FBXO27: variants seen among roughly 807,000 people sequenced by gnomAD.
FBXO27 encodes F-box only protein 27.
Under a neutral mutation model 28.3 loss-of-function variants are expected in FBXO27, and 28 were observed. The ratio of observed to expected loss-of-function variants is 0.99; its 90% CI spans 0.73 to 1.36. The LOEUF (loss-of-function observed/expected upper bound fraction) is 1.36, where lower values mean the gene tolerates loss of function less well. Among genes scored for constraint, FBXO27 ranks in the 40% most tolerant of loss-of-function variants. FBXO27 has a pLI of 0.00. For missense variants in FBXO27, 388 were observed against 394.1 expected (o/e 0.98, Z 0.13); for synonymous variants, 175 against 167.3 (o/e 1.05, Z -0.36).
intron 2 of FBXO27, among the ~76,000 whole-genome samples, chr19:39,011,766 G>A (rs186436405): frequency 1.3e-5 from 2 of 149,322 alleles, no homozygotes; most frequent in South Asian, 2.1e-4. Flanking sequence ...CTCCCACCTC[G>A]CCTCCCAAAG....
chr19:39,025,661 C>T, intron 5 of FBXO27, 107 bp from the exon 6 acceptor site: 1 of 1,363,678 alleles, frequency 7.3e-7, no homozygotes, highest in Non-Finnish European at 9.8e-7. Flanking sequence ...GCTATAAAAT[C>T]TCCAATTGGG....
downstream of FBXO27, among the ~76,000 whole-genome samples, chr19:39,020,002 C>T (rs2072837955): frequency 6.6e-6 from 1 of 152,142 alleles, no homozygotes; most frequent in Non-Finnish European, 1.5e-5. Flanking sequence ...ATTCTCCCCA[C>T]TTGGCCTCCC....
intron 2 of FBXO27, among the ~76,000 whole-genome samples, chr19:39,008,403 C>G (rs1213034876): frequency 6.6e-6 from 1 of 152,126 alleles, no homozygotes; most frequent in Non-Finnish European, 1.5e-5. Context: ...CAAGCATGTG[C>G]TAATGTAACC....
intron 2 of FBXO27, among the ~76,000 whole-genome samples, chr19:39,008,968 C>T (rs536785205): frequency 4.0e-4 from 61 of 152,196 alleles, no homozygotes; most frequent in African/African-American, 1.4e-3. Flanking sequence ...TTACAGGCAC[C>T]CGCCACCATG....
chr19:39,023,630 T>C (rs934885641), downstream of FBXO27, among the ~76,000 whole-genome samples: 2 of 151,930 alleles, frequency 1.3e-5, no homozygotes, highest in Non-Finnish European at 2.9e-5. Context: ...TTTTTTTAAT[T>C]TGAGACGGAG....
intron 2 of FBXO27, among the ~76,000 whole-genome samples, chr19:39,009,498 G>A (rs2072784538): frequency 6.6e-6 from 1 of 152,112 alleles, no homozygotes; most frequent in African/African-American, 2.4e-5. Context: ...TACTGGGTAG[G>A]AAGTGGTATT....
At chr19:39,022,612 A>G (rs12151263), downstream of FBXO27, among the ~76,000 whole-genome samples, 12,966 of 150,954 alleles carry the variant, frequency 0.086, 693 homozygotes, top group Non-Finnish European at 0.12. Flanking sequence ...ATGCCTGGCT[A>G]ATTTTTTTGT....
At chr19:39,008,829 C>T (rs560422307) in intron 2 of FBXO27, among the ~76,000 whole-genome samples, 37 of 152,010 alleles carry the variant, frequency 2.4e-4, no homozygotes, top group Middle Eastern at 6.8e-3. Flanking sequence ...CTTTTTTGTA[C>T]GTTTGTTTTG....
At chr19:39,021,095 A>AC (rs1390445065), downstream of FBXO27, among the ~76,000 whole-genome samples, 1 of 151,812 alleles carries the variant, frequency 6.6e-6, no homozygotes, top group African/African-American at 2.4e-5. Context: ...CAGGTGATCC[A>AC]CCCCCATCCC....
intron 2 of FBXO27, among the ~76,000 whole-genome samples, chr19:39,007,075 A>AAC (rs1238464849): frequency 1.3e-5 from 2 of 149,140 alleles, no homozygotes; most frequent in African/African-American, 5.0e-5. Context: ...AAAAAAAAAA[A>AAC]AAATACAGAA....
At position 39,031,053 on chromosome 19, in the gene FBXO27, C is replaced by A; in HGVS notation, c.548G>T (p.Arg183Met). Residue 183 changes from arginine (R) to methionine (M), a missense_variant, in exon 4 of 6, where the codon AGG (arginine) becomes ATG (methionine). Transcript: ENST00000292853. Reference protein sequence around the residue: ...GLWPELLDSGRIEICVSDWWG... With the variant: ...GLWPELLDSGMIEICVSDWWG... ...CCAGTCAGAGACACAAATCTCAATC[C>A]TGCCACTATCCAGCAGTTCTGGCCA... 6.2e-7 allele frequency: 1 copy of A among 1,614,126 alleles called. No homozygotes were observed. The highest frequency in any genetic ancestry group is 8.5e-7 in the Non-Finnish European group (1 of 1,180,012).
At chr19:39,028,427 A>G (rs758580730) in intron 4 of FBXO27, among the ~76,000 whole-genome samples, 7 of 151,936 alleles carry the variant, frequency 4.6e-5, no homozygotes, top group Non-Finnish European at 8.8e-5. Flanking sequence ...ACATAGTTTG[A>G]TAAGTAATAA....
chr19:39,029,101 TG>T (rs2144902837), intron 4 of FBXO27, among the ~76,000 whole-genome samples: 1 of 148,566 alleles, frequency 6.7e-6, no homozygotes, highest in East Asian at 2.0e-4. Flanking sequence ...GAGATGGAGT[TG>T]GGGAATAGGG....
downstream of FBXO27, among the ~76,000 whole-genome samples, chr19:39,020,635 A>C (rs473729): frequency 6.6e-6 from 1 of 151,780 alleles, no homozygotes; most frequent in Non-Finnish European, 1.5e-5. Flanking sequence ...GGCTACAAAT[A>C]CCATTGAGCC....
chr19:39,011,695 GGGGA>G (rs200554400), intron 2 of FBXO27, among the ~76,000 whole-genome samples: 87,368 of 130,128 alleles, frequency 0.67, 26,705 homozygotes, highest in East Asian at 0.8. Flanking sequence ...GATGGCGGCG[GGGGA>G]GGGGGGGTCT....
chr19:39,014,790 C>T (rs1401813871), intron 1 of FBXO27, among the ~76,000 whole-genome samples: 1 of 151,658 alleles, frequency 6.6e-6, no homozygotes, highest in African/African-American at 2.4e-5. Context: ...AGAAGACAAC[C>T]ACAGACCGGG....
intron 2 of FBXO27, among the ~76,000 whole-genome samples, chr19:39,009,398 C>A (rs777453838): frequency 1.3e-5 from 2 of 152,194 alleles, no homozygotes; most frequent in Non-Finnish European, 2.9e-5. Context: ...CACCATTTTA[C>A]ATTCCCATCA....
chr19:39,019,053 A>G (rs1383524504), downstream of FBXO27, among the ~76,000 whole-genome samples: 2 of 135,070 alleles, frequency 1.5e-5, no homozygotes, highest in African/African-American at 2.8e-5. Flanking sequence ...TGGGTGACAG[A>G]GCAAGACTCT....
chr19:39,016,044 C>T (rs1288140469), intron 1 of FBXO27, among the ~76,000 whole-genome samples: 1 of 152,122 alleles, frequency 6.6e-6, no homozygotes, highest in Non-Finnish European at 1.5e-5. Context: ...TGCACTCTAG[C>T]CTGGGTGACA....
Sources: gnomAD v4.1 joint callset for allele counts (sites outside exome capture counted in the v4.1 genomes callset) on GRCh38, gnomAD v4.1.1 for gene constraint, MANE v1.5 for transcripts, NCBI Gene and HGNC (gene_info 2026-07-23, HGNC 2026-07-21) for gene names.